The following CADM2 variants were observed in gnomAD, a reference collection of about 807,000 sequenced individuals.
CADM2 encodes the protein immunoglobulin superfamily member 4D.
In CADM2, 12 loss-of-function variants were observed where a neutral mutation model predicts 49.8. The observed-to-expected ratio is 0.24, with a 90% confidence interval of 0.15 to 0.39. The LOEUF (loss-of-function observed/expected upper bound fraction) is 0.39, where lower values mean the gene tolerates loss of function less well. CADM2 is among the 10% of genes least tolerant of loss of function. The probability of loss-of-function intolerance (pLI) is 1.00; values close to 1 mark genes in which losing one functional copy is unlikely to be tolerated. For synonymous variants in CADM2, 214 were observed against 175.4 expected (o/e 1.22, Z -1.74); for missense variants, 378 against 492.3 (o/e 0.77, Z 2.20).
At chr3:85,541,711 T>TATA (rs201168984) in intron 1 of CADM2, among the ~76,000 whole-genome samples, 4 of 38,000 alleles carry the variant, frequency 1.1e-4, no homozygotes, top group East Asian at 0.026. Context: ...TATATATATA[T>TATA]TTTATATTAT....
intron 1 of CADM2, among the ~76,000 whole-genome samples, chr3:85,484,487 T>A (rs2039338258): frequency 6.6e-6 from 1 of 151,970 alleles, no homozygotes; most frequent in Non-Finnish European, 1.5e-5. Flanking sequence ...CAACCTTGCA[T>A]TTTTTGAATT....
At chr3:85,250,551 G>A (rs1194607419) in intron 1 of CADM2, among the ~76,000 whole-genome samples, 2 of 151,330 alleles carry the variant, frequency 1.3e-5, no homozygotes, top group African/African-American at 4.8e-5. Flanking sequence ...ATGTATACTA[G>A]GTATTTGCAG....
At chr3:85,117,716 T>C (rs1049941175) in intron 1 of CADM2, among the ~76,000 whole-genome samples, 5 of 152,192 alleles carry the variant, frequency 3.3e-5, no homozygotes, top group African/African-American at 1.2e-4. Context: ...TTTCTGGACT[T>C]CAGTAGTTCA....
intron 1 of CADM2, among the ~76,000 whole-genome samples, chr3:85,017,160 T>A (rs2034286125): frequency 6.6e-6 from 1 of 152,110 alleles, no homozygotes; most frequent in Admixed American, 6.5e-5. Context: ...TCAAAAGCAG[T>A]TGGGAAAAAG....
chr3:85,667,861 T>C (rs974843519), intron 1 of CADM2, among the ~76,000 whole-genome samples: 1 of 151,990 alleles, frequency 6.6e-6, no homozygotes, highest in African/African-American at 2.4e-5. Context: ...ATCTTTCTCA[T>C]AGGATAGTTG....
At chr3:85,150,817 G>T (rs1330749840) in intron 1 of CADM2, among the ~76,000 whole-genome samples, 3 of 151,906 alleles carry the variant, frequency 2.0e-5, no homozygotes, top group Non-Finnish European at 4.4e-5. Flanking sequence ...ACTGAGGCAG[G>T]AGAATGTCTT....
At chr3:85,358,279 A>T (rs1425404101) in intron 1 of CADM2, among the ~76,000 whole-genome samples, 2 of 152,134 alleles carry the variant, frequency 1.3e-5, no homozygotes, top group East Asian at 3.9e-4. Flanking sequence ...GGTGGAGAAC[A>T]TTGTTTTTCT....
At chr3:85,245,465 TTGCACCAC>T (rs1358011415) in intron 1 of CADM2, among the ~76,000 whole-genome samples, 4 of 151,614 alleles carry the variant, frequency 2.6e-5, no homozygotes, top group Non-Finnish European at 4.4e-5. Context: ...TGAGCCGAGA[TTGCACCAC>T]TGCACTCCAG....
chr3:85,268,216 G>A (rs1434096887), intron 1 of CADM2, among the ~76,000 whole-genome samples: 1 of 150,904 alleles, frequency 6.6e-6, no homozygotes, highest in African/African-American at 2.4e-5. Context: ...GTCAGCCAGG[G>A]GAAAAAAACA....
At chr3:85,540,216 A>G (rs1009735524) in intron 1 of CADM2, among the ~76,000 whole-genome samples, 1 of 152,158 alleles carries the variant, frequency 6.6e-6, no homozygotes, top group East Asian at 1.9e-4. Context: ...CAGTAATCAT[A>G]CTAAATTATA....
At chr3:85,926,461 A>T (rs1299621419) in intron 6 of CADM2, among the ~76,000 whole-genome samples, 1 of 152,192 alleles carries the variant, frequency 6.6e-6, no homozygotes, top group Non-Finnish European at 1.5e-5. Flanking sequence ...TGGCTTCACA[A>T]TAGTGAGTTA....
At chr3:84,984,578 T>G (rs2032434226) in intron 1 of CADM2, among the ~76,000 whole-genome samples, 1 of 150,308 alleles carries the variant, frequency 6.7e-6, no homozygotes, top group African/African-American at 2.5e-5. Context: ...CTCCACAGTC[T>G]CCAGCTTTAT....
At chr3:85,029,347 GA>G (rs1279810775) in intron 1 of CADM2, among the ~76,000 whole-genome samples, 1 of 152,104 alleles carries the variant, frequency 6.6e-6, no homozygotes, top group East Asian at 1.9e-4. Flanking sequence ...TTCTAAGTGT[GA>G]AAAAATGGTC....
At chr3:85,260,686 C>T (rs2042996792) in intron 1 of CADM2, among the ~76,000 whole-genome samples, 2 of 152,134 alleles carry the variant, frequency 1.3e-5, no homozygotes, top group Admixed American at 6.6e-5. Flanking sequence ...AGATTATTTG[C>T]AATTTCTACT....
At chr3:85,647,078 G>C (rs183684770) in intron 1 of CADM2, among the ~76,000 whole-genome samples, 1 of 151,726 alleles carries the variant, frequency 6.6e-6, no homozygotes, top group African/African-American at 2.4e-5. Context: ...TGGTCTCATC[G>C]TCTATAATGT....
At chr3:85,644,617 A>G (rs753452996) in intron 1 of CADM2, among the ~76,000 whole-genome samples, 1 of 152,100 alleles carries the variant, frequency 6.6e-6, no homozygotes, top group Non-Finnish European at 1.5e-5. Flanking sequence ...TTGAGATGAC[A>G]CTCAGAGCTA....
At chr3:85,040,968 C>G (rs780240445) in intron 1 of CADM2, among the ~76,000 whole-genome samples, 1 of 152,084 alleles carries the variant, frequency 6.6e-6, no homozygotes, top group Non-Finnish European at 1.5e-5. Flanking sequence ...ATATTTTAAT[C>G]TATTTTTGCC....
chr3:85,321,116 ATTTTTTTTTTTTTTTTTTTTTT>A (rs1157576505), intron 1 of CADM2, among the ~76,000 whole-genome samples: 580 of 27,460 alleles, frequency 0.021, 22 homozygotes, highest in East Asian at 0.038. Flanking sequence ...ATATATATAT[ATTTTTTTTTTTTTTTTTTTTTT>A]TTTTTTTTTT....
Position 85,998,264 on chromosome 3 carries a change from A to G in CADM2, c.970+36617A>G, listed in dbSNP as rs534981214. Among the ~76,000 whole-genome samples the G allele has an allele frequency of 4.0e-4, 61 of 152,298 alleles. 1 individual carries two copies. In the South Asian group the frequency reaches 0.013, roughly 32 times the overall value. On this transcript the variant is annotated intron_variant, in intron 8 of 9. Transcript: ENST00000383699. Reference sequence around the variant, plus strand: ...TTTCATACTGTGATATAACAACTCCATGACTGATACTTTATTTTTTCTGTA... The same window carrying G: ...TTTCATACTGTGATATAACAACTCCGTGACTGATACTTTATTTTTTCTGTA...
Sources: gnomAD v4.1 joint callset for allele counts (sites outside exome capture counted in the v4.1 genomes callset) on GRCh38, gnomAD v4.1.1 for gene constraint, MANE v1.5 for transcripts, NCBI Gene and HGNC (gene_info 2026-07-23, HGNC 2026-07-21) for gene names.